The following RBFOX1 variants were observed in gnomAD, a reference collection of about 807,000 sequenced individuals.
The protein encoded by RBFOX1 is RNA binding protein fox-1 homolog 1.
Under a neutral mutation model 57.7 loss-of-function variants are expected in RBFOX1, and 8 were observed. The observed-to-expected ratio is 0.14, with a 90% confidence interval of 0.08 to 0.25. The LOEUF is 0.25. RBFOX1 is among the 10% of genes least tolerant of loss of function. RBFOX1 has a pLI of 1.00. For synonymous variants in RBFOX1, 326 were observed against 222.4 expected (o/e 1.47, Z -4.15); for missense variants, 611 against 548.5 (o/e 1.11, Z -1.14).
intron 4 of RBFOX1, among the ~76,000 whole-genome samples, chr16:7,344,607 C>T (rs1047015251): frequency 6.6e-6 from 1 of 151,730 alleles, no homozygotes; most frequent in Non-Finnish European, 1.5e-5. Flanking sequence ...ATTATTTCTA[C>T]TCTTGCTACT....
At chr16:6,871,190 C>G (rs146033243) in intron 3 of RBFOX1, among the ~76,000 whole-genome samples, 2 of 151,992 alleles carry the variant, frequency 1.3e-5, no homozygotes. Flanking sequence ...AGAAAATCAC[C>G]CCTGCTTTTT....
chr16:7,156,779 A>G (rs11641126), intron 4 of RBFOX1, among the ~76,000 whole-genome samples: 73,788 of 151,982 alleles, frequency 0.49, 19,402 homozygotes, highest in South Asian at 0.66. Context: ...CAAACACTGC[A>G]TCTGTGTATA....
chr16:7,532,124 C>G (rs972355403), intron 5 of RBFOX1, among the ~76,000 whole-genome samples: 2 of 137,310 alleles, frequency 1.5e-5, no homozygotes, highest in African/African-American at 5.1e-5. Context: ...GGGGGAGAAA[C>G]TAGCTACCTT....
intron 2 of RBFOX1, among the ~76,000 whole-genome samples, chr16:6,355,594 T>C (rs1004445198): frequency 6.6e-6 from 1 of 152,210 alleles, no homozygotes. Context: ...ACAATAAACA[T>C]ACATGTGCAT....
At chr16:7,405,676 C>G (rs1001526375) in intron 4 of RBFOX1, among the ~76,000 whole-genome samples, 3 of 152,202 alleles carry the variant, frequency 2.0e-5, no homozygotes, top group Non-Finnish European at 4.4e-5. Context: ...CAGGCTGCAA[C>G]TCAGGTCCCA....
intron 4 of RBFOX1, among the ~76,000 whole-genome samples, chr16:7,215,758 T>C (rs2091928487): frequency 6.7e-6 from 1 of 148,550 alleles, no homozygotes; most frequent in South Asian, 2.1e-4. Flanking sequence ...GGAGTCTTGC[T>C]CTGTTGTCCA....
At chr16:6,439,604 T>C (rs1001566465) in intron 2 of RBFOX1, among the ~76,000 whole-genome samples, 1 of 152,182 alleles carries the variant, frequency 6.6e-6, no homozygotes, top group Non-Finnish European at 1.5e-5. Context: ...CCCTTCCTGA[T>C]TTCTTGACAA....
intron 2 of RBFOX1, among the ~76,000 whole-genome samples, chr16:5,577,485 T>A (rs2046503083): frequency 6.6e-6 from 1 of 152,128 alleles, no homozygotes; most frequent in Admixed American, 6.6e-5. Context: ...ACCTGTGAGC[T>A]TTTTCCTCCC....
At chr16:7,244,625 C>T (rs1240285924) in intron 4 of RBFOX1, among the ~76,000 whole-genome samples, 1 of 152,202 alleles carries the variant, frequency 6.6e-6, no homozygotes, top group Non-Finnish European at 1.5e-5. Flanking sequence ...GAGTTAGATT[C>T]AGTATTCAAC....
chr16:6,163,405 G>A (rs563261876), intron 1 of RBFOX1, among the ~76,000 whole-genome samples: 44 of 152,312 alleles, frequency 2.9e-4, no homozygotes, highest in South Asian at 2.7e-3. Context: ...TCCTGTTTGA[G>A]CATAAGCGAT....
intron 1 of RBFOX1, among the ~76,000 whole-genome samples, chr16:6,136,608 C>G (rs1186649463): frequency 1.3e-5 from 2 of 152,132 alleles, no homozygotes; most frequent in East Asian, 3.9e-4. Flanking sequence ...GTAAATTATA[C>G]ATTTGCAAGT....
intron 3 of RBFOX1, among the ~76,000 whole-genome samples, chr16:6,753,551 G>A (rs4786120): frequency 6.6e-6 from 1 of 151,962 alleles, no homozygotes; most frequent in African/African-American, 2.4e-5. Context: ...TTGAATATTT[G>A]TTACATCTGT....
At chr16:7,013,835 A>G (rs1411518434) in intron 3 of RBFOX1, among the ~76,000 whole-genome samples, 1 of 151,976 alleles carries the variant, frequency 6.6e-6, no homozygotes, top group African/African-American at 2.4e-5. Flanking sequence ...TTTTTTAAAA[A>G]CTTGTAGAAA....
intron 5 of RBFOX1, among the ~76,000 whole-genome samples, chr16:7,542,804 T>C (rs1296976859): frequency 2.5e-5 from 2 of 78,598 alleles, no homozygotes; most frequent in Non-Finnish European, 5.9e-5. Context: ...GAGGCAAGAC[T>C]GTCTGAGGAA....
intron 2 of RBFOX1, among the ~76,000 whole-genome samples, chr16:6,570,892 G>A (rs2097335590): frequency 6.6e-6 from 1 of 152,184 alleles, no homozygotes; most frequent in Non-Finnish European, 1.5e-5. Flanking sequence ...AGAAGGAAGA[G>A]AAATTTGAAA....
chr16:6,616,223 G>A (rs1227646525), intron 2 of RBFOX1, among the ~76,000 whole-genome samples: 1 of 152,134 alleles, frequency 6.6e-6, no homozygotes, highest in East Asian at 1.9e-4. Context: ...AATAATAAAT[G>A]AATGTCTGTG....
chr16:6,901,928 A>AT (rs755291944), intron 3 of RBFOX1, among the ~76,000 whole-genome samples: 14 of 152,082 alleles, frequency 9.2e-5, no homozygotes, highest in Middle Eastern at 3.4e-3. Context: ...TTAAGCAGGG[A>AT]TTTTTTTTCA....
intron 3 of RBFOX1, among the ~76,000 whole-genome samples, chr16:6,713,641 C>G (rs2064167699): frequency 6.6e-6 from 1 of 152,182 alleles, no homozygotes; most frequent in African/African-American, 2.4e-5. Flanking sequence ...ACAACAGCTT[C>G]AAACAAAATT....
intron 3 of RBFOX1, among the ~76,000 whole-genome samples, chr16:6,870,135 C>T (rs901939150): frequency 7.2e-5 from 11 of 152,076 alleles, no homozygotes; most frequent in Non-Finnish European, 1.3e-4. Flanking sequence ...GGCTCTTGGA[C>T]CACCTAGTTT....
Sources: gnomAD v4.1 joint callset for allele counts (sites outside exome capture counted in the v4.1 genomes callset) on GRCh38, gnomAD v4.1.1 for gene constraint, MANE v1.5 for transcripts, NCBI Gene and HGNC (gene_info 2026-07-23, HGNC 2026-07-21) for gene names.